The following DRAM1 variants were observed in gnomAD, a reference collection of about 807,000 sequenced individuals.
The protein encoded by DRAM1 is DNA damage regulated autophagy modulator 1, also known as DNA damage-regulated autophagy modulator protein 1.
A neutral mutation model predicts 28.5 loss-of-function variants in DRAM1; 25 were observed. The ratio of observed to expected loss-of-function variants is 0.88; its 90% CI spans 0.64 to 1.23. The LOEUF (loss-of-function observed/expected upper bound fraction) is 1.23. Among genes scored for constraint, DRAM1 ranks in the 50% most tolerant of loss-of-function variants. The pLI is 0.00. For synonymous variants in DRAM1, 113 were observed against 114.2 expected, an observed-to-expected ratio of 0.99 and a Z score of 0.07; for missense variants, 249 against 299.2, an observed-to-expected ratio of 0.83 and a Z score of 1.24.
At chr12:101,894,447 T>A (rs1438709304) in intron 1 of DRAM1, among the ~76,000 whole-genome samples, 1 of 152,158 alleles carries the variant, frequency 6.6e-6, no homozygotes, top group Non-Finnish European at 1.5e-5. Context: ...AGACAGGGTT[T>A]CACCATGTTG....
At chr12:101,889,111 A>C (rs1043441977) in intron 1 of DRAM1, among the ~76,000 whole-genome samples, 10 of 151,898 alleles carry the variant, frequency 6.6e-5, no homozygotes, top group African/African-American at 2.4e-4. Context: ...CCTCAATCTC[A>C]ATTAAAAAAA....
intron 1 of DRAM1, among the ~76,000 whole-genome samples, chr12:101,891,893 T>C (rs1306645169): frequency 6.6e-6 from 1 of 152,200 alleles, no homozygotes; most frequent in Non-Finnish European, 1.5e-5. Context: ...TGCCTCTCAC[T>C]CATTCTCCAG....
chr12:101,903,922 C>CAT (rs1873692046), intron 3 of DRAM1, among the ~76,000 whole-genome samples: 1 of 88,396 alleles, frequency 1.1e-5, no homozygotes, highest in Non-Finnish European at 2.0e-5. Context: ...AACACACACA[C>CAT]ACATACACAC....
chr12:101,878,488 G>A (rs1408466284), intron 1 of DRAM1, among the ~76,000 whole-genome samples: 3 of 152,208 alleles, frequency 2.0e-5, no homozygotes, highest in Non-Finnish European at 2.9e-5. Context: ...CCAGGTCTCT[G>A]GGAGTCTGGC....
intron 4 of DRAM1, among the ~76,000 whole-genome samples, chr12:101,908,650 G>C (rs1050465738): frequency 1.3e-5 from 2 of 151,032 alleles, no homozygotes; most frequent in Non-Finnish European, 3.0e-5. Flanking sequence ...CATGTGATCA[G>C]ACATCACCTG....
intron 1 of DRAM1, among the ~76,000 whole-genome samples, chr12:101,884,369 C>CAAAAAAAAA (rs777858309): frequency 1.3e-5 from 1 of 78,052 alleles, no homozygotes. Context: ...TACCCTGTCT[C>CAAAAAAAAA]AAAAAAAAAA....
chr12:101,915,744 T>G (rs1874216128), intron 5 of DRAM1, among the ~76,000 whole-genome samples: 1 of 152,048 alleles, frequency 6.6e-6, no homozygotes, highest in Non-Finnish European at 1.5e-5. Flanking sequence ...GTATTTTTAG[T>G]AGAGACGGGA....
intron 1 of DRAM1, among the ~76,000 whole-genome samples, chr12:101,897,295 G>GTTCAAGAGATTTTCCTGC (rs1174402842): frequency 6.6e-6 from 1 of 151,818 alleles, no homozygotes. Flanking sequence ...CGCCTCCCTG[G>GTTCAAGAGATTTTCCTGC]TTCAAGAGAT....
intron 3 of DRAM1, among the ~76,000 whole-genome samples, chr12:101,902,992 T>C (rs896754100): frequency 2.0e-5 from 3 of 151,814 alleles, no homozygotes. Flanking sequence ...GCGATCTCGG[T>C]TCACTGCAAC....
rs61325494 is a variant in DRAM1, at chr12:101,895,566, A to ATTTTTGGTTTTTTTTTTTTTT, written c.132-2292_132-2291insGGTTTTTTTTTTTTTTTTTTT. ...AAAGGCATTTGCTGTAAGGGAGGCT[A>ATTTTTGGTTTTTTTTTTTTTT]TTTTTTTTTTTTTTTTTTTTTTGAG... On this transcript the variant is annotated intron_variant, in intron 1 of 6. Coordinates refer to ENST00000258534, the MANE Select transcript of DRAM1 (RefSeq NM_018370.3). Among the ~76,000 whole-genome samples the ATTTTTGGTTTTTTTTTTTTTT allele has an allele frequency of 4.8e-5, 5 of 103,422 alleles. 2 individuals are homozygous for ATTTTTGGTTTTTTTTTTTTTT. The highest frequency in any genetic ancestry group is 1.6e-4 in the African/African-American group (4 of 24,990). The allele number at this position is 103,422 out of a possible 152,430, so 67.8% of individuals were successfully genotyped here.
intron 1 of DRAM1, among the ~76,000 whole-genome samples, chr12:101,887,635 A>T (rs982031946): frequency 6.6e-6 from 1 of 150,790 alleles, no homozygotes; most frequent in Non-Finnish European, 1.5e-5. Context: ...GGCTCAAGTG[A>T]TTCTCTGGCC....
chr12:101,879,710 G>A (rs1872623061), intron 1 of DRAM1, among the ~76,000 whole-genome samples: 1 of 152,276 alleles, frequency 6.6e-6, no homozygotes, highest in East Asian at 1.9e-4. Context: ...GTAAAGACCT[G>A]CTCAGCTGGG....
intron 1 of DRAM1, among the ~76,000 whole-genome samples, chr12:101,883,258 G>C (rs1594289903): frequency 6.7e-6 from 1 of 150,316 alleles, no homozygotes; most frequent in South Asian, 2.2e-4. Flanking sequence ...ATTGGCAGAT[G>C]GGGAAAAAGG....
At chr12:101,896,993 G>T (rs1032683162) in intron 1 of DRAM1, among the ~76,000 whole-genome samples, 2 of 151,802 alleles carry the variant, frequency 1.3e-5, no homozygotes, top group Admixed American at 1.3e-4. Flanking sequence ...CTCCATGTTG[G>T]TCAGGCTGGT....
intron 1 of DRAM1, among the ~76,000 whole-genome samples, chr12:101,894,290 A>G (rs1186741528): frequency 2.6e-5 from 4 of 151,800 alleles, no homozygotes; most frequent in Admixed American, 6.6e-5. Context: ...GCTAATTTTT[A>G]TATTTTAGTA....
At chr12:101,911,988 C>T (rs1267687761) in intron 4 of DRAM1, among the ~76,000 whole-genome samples, 1 of 152,140 alleles carries the variant, frequency 6.6e-6, no homozygotes. Flanking sequence ...CATTTGAGGT[C>T]AGGAGTTCGA....
chr12:101,907,981 C>T (rs1032535842), intron 3 of DRAM1, among the ~76,000 whole-genome samples: 9 of 152,096 alleles, frequency 5.9e-5, no homozygotes, highest in African/African-American at 2.2e-4. Flanking sequence ...TCCCATGAGC[C>T]CAGGTTCGCT....
chr12:101,898,026 TTTTA>T lies in DRAM1; in HGVS notation c.199+104_199+107del, dbSNP rs200652106. The T allele has an allele frequency of 6.9e-3, 5,001 of 727,200 alleles. 198 individuals carry two copies. The African/African-American group carries it at 0.083, about 12-fold the overall frequency. The allele number at this position is 727,200 out of a possible 1,614,324, so 45.0% of individuals were successfully genotyped here. On this transcript the variant is annotated intron_variant, in intron 2 of 6. Transcript: ENST00000258534. ...TAGTTTTCATATAATTTTTATTTTA[TTTTA>T]TTTATTTTTTCTGAGACAGGGTCTC... is the stretch of plus-strand genomic sequence containing the variant.
chr12:101,910,108 A>G (rs571310739), intron 4 of DRAM1, among the ~76,000 whole-genome samples: 2 of 152,324 alleles, frequency 1.3e-5, no homozygotes, highest in East Asian at 1.9e-4. Context: ...GTTTTCTTCC[A>G]TCTTGGGGAA....
Sources: gnomAD v4.1 joint callset for allele counts (sites outside exome capture counted in the v4.1 genomes callset) on GRCh38, gnomAD v4.1.1 for gene constraint, MANE v1.5 for transcripts, NCBI Gene and HGNC (gene_info 2026-07-23, HGNC 2026-07-21) for gene names.